The following ZNF420 variants were observed in gnomAD, a reference collection of about 807,000 sequenced individuals.
The protein encoded by ZNF420 is ATM and p53-associated KZNF protein.
A neutral mutation model predicts 44.7 loss-of-function variants in ZNF420; 31 were observed. The ratio of observed to expected loss-of-function variants is 0.69; its 90% confidence interval spans 0.52 to 0.94. The LOEUF (loss-of-function observed/expected upper bound fraction) is 0.94. Ranked by LOEUF, ZNF420 falls within the 40% of genes least tolerant of loss-of-function variation. The pLI, the probability that ZNF420 is intolerant of heterozygous loss-of-function variation, is 0.00. For missense variants in ZNF420, 681 were observed against 827.9 expected (o/e 0.82, Z 2.18); for synonymous variants, 245 against 267.4 (o/e 0.92, Z 0.82).
intron 1 of ZNF420, chr19:37,025,368 GTT>G (rs1967136539): frequency 6.0e-6 from 1 of 167,988 alleles, no homozygotes; most frequent in African/African-American, 2.4e-5. Flanking sequence ...GTTAACTGTT[GTT>G]GTTTTTTTTA....
intron 4 of ZNF420, among the ~76,000 whole-genome samples, chr19:37,119,315 A>T (rs1970884116): frequency 6.6e-6 from 1 of 152,120 alleles, no homozygotes; most frequent in Non-Finnish European, 1.5e-5. Flanking sequence ...GGATTAAGAA[A>T]CTCACTCAAA....
chr19:37,029,934 C>G (rs372298509), intron 1 of ZNF420, among the ~76,000 whole-genome samples: 9 of 152,106 alleles, frequency 5.9e-5, no homozygotes, highest in African/African-American at 2.2e-4. Context: ...TCTATCATCT[C>G]ACAGGTACCC....
At chr19:37,070,142 C>T (rs1968032648) in intron 1 of ZNF420, among the ~76,000 whole-genome samples, 1 of 152,044 alleles carries the variant, frequency 6.6e-6, no homozygotes, top group African/African-American at 2.4e-5. Context: ...ATGTCCCATA[C>T]ACATATAATA....
chr19:37,114,631 T>C (rs930141314), intron 4 of ZNF420, among the ~76,000 whole-genome samples: 6 of 152,198 alleles, frequency 3.9e-5, no homozygotes, highest in African/African-American at 1.4e-4. Flanking sequence ...ATAGTCAACA[T>C]TTTGCATTGA....
At chr19:37,046,480 T>C (rs573719556) in intron 1 of ZNF420, among the ~76,000 whole-genome samples, 2 of 152,184 alleles carry the variant, frequency 1.3e-5, no homozygotes, top group Non-Finnish European at 2.9e-5. Context: ...GTAAATAAAT[T>C]ATACCCTTAA....
At chr19:37,030,113 C>G (rs1212349501) in intron 1 of ZNF420, among the ~76,000 whole-genome samples, 3 of 152,124 alleles carry the variant, frequency 2.0e-5, no homozygotes, top group Non-Finnish European at 2.9e-5. Flanking sequence ...CTCATTTCCT[C>G]CCTTCCTTTC....
At chr19:37,035,447 T>A (rs2146402648) in intron 1 of ZNF420, among the ~76,000 whole-genome samples, 1 of 152,340 alleles carries the variant, frequency 6.6e-6, no homozygotes. Flanking sequence ...AATCTGCCCA[T>A]CTTGCCCTCC....
At chr19:37,119,649 C>T (rs28895613) in intron 4 of ZNF420, among the ~76,000 whole-genome samples, 1 of 149,354 alleles carries the variant, frequency 6.7e-6, no homozygotes, top group Admixed American at 6.7e-5. Context: ...AATAGAGACA[C>T]AAAAAAAAAC....
At chr19:37,073,527 T>A (rs1968093384), upstream of ZNF420, among the ~76,000 whole-genome samples, 1 of 151,824 alleles carries the variant, frequency 6.6e-6, no homozygotes, top group African/African-American at 2.4e-5. Flanking sequence ...TCACTTGAGA[T>A]CAGGAGTTTG....
intron 1 of ZNF420, among the ~76,000 whole-genome samples, chr19:37,061,037 G>T (rs1439748040): frequency 6.6e-6 from 1 of 152,074 alleles, no homozygotes; most frequent in African/African-American, 2.4e-5. Context: ...GCCCCCTCCT[G>T]GTTCCCAGGT....
chr19:37,073,598 G>A (rs973649194), upstream of ZNF420, among the ~76,000 whole-genome samples: 2 of 151,840 alleles, frequency 1.3e-5, no homozygotes, highest in African/African-American at 4.8e-5. Context: ...AAAATTAGCC[G>A]GGCATGGTGA....
chr19:37,061,877 A>C (rs1234530465), intron 1 of ZNF420, among the ~76,000 whole-genome samples: 2 of 152,214 alleles, frequency 1.3e-5, no homozygotes, highest in African/African-American at 4.8e-5. Flanking sequence ...TTTCTGAGGA[A>C]GAAATGAGGC....
intron 2 of ZNF420, among the ~76,000 whole-genome samples, chr19:37,083,008 G>A (rs527900295): frequency 2.0e-5 from 3 of 151,170 alleles, no homozygotes; most frequent in Admixed American, 6.6e-5. Context: ...CTACAGGCAC[G>A]CGCCACCATG....
intron 1 of ZNF420, among the ~76,000 whole-genome samples, chr19:37,021,035 A>C (rs758944731): frequency 1.8e-4 from 28 of 152,234 alleles, no homozygotes; most frequent in Non-Finnish European, 3.2e-4. Context: ...ATGACACCAA[A>C]TTTTATGTGT....
chr19:37,061,470 G>A (rs1464234769), intron 1 of ZNF420, among the ~76,000 whole-genome samples: 3 of 152,218 alleles, frequency 2.0e-5, no homozygotes, highest in African/African-American at 4.8e-5. Context: ...GCAGTGTGGT[G>A]TGATAATTCA....
At chr19:37,028,488 A>G (rs1967192364) in intron 1 of ZNF420, among the ~76,000 whole-genome samples, 1 of 152,104 alleles carries the variant, frequency 6.6e-6, no homozygotes, top group Admixed American at 6.5e-5. Context: ...ACAACAGGGA[A>G]TGACTGTCAG....
At chr19:37,117,708 A>C (rs138520256) in intron 4 of ZNF420, among the ~76,000 whole-genome samples, 1 of 38,850 alleles carries the variant, frequency 2.6e-5, no homozygotes, top group Non-Finnish European at 6.0e-5. Flanking sequence ...AATGGCAAAG[A>C]AGTTAAAAAC....
chr19:37,089,135 G>A lies in ZNF420; in HGVS notation c.9+8G>A, dbSNP rs542271824. 44 of 1,612,132 alleles carry A rather than the reference G, an allele frequency of 2.7e-5. No homozygotes were observed. The South Asian group carries it at 4.4e-4, about 16-fold the overall frequency. On this transcript the variant is annotated splice_region_variant and intron_variant, in intron 3 of 4. Coordinates refer to ENST00000337995, the MANE Select transcript of ZNF420 (RefSeq NM_144689.5). Reference sequence around the variant, plus strand: ...CTAAAAACCATGGCTCGGGTAAATTGGAGTTTCCTTGTGCTCTTTTCACTT... The same window carrying A: ...CTAAAAACCATGGCTCGGGTAAATTAGAGTTTCCTTGTGCTCTTTTCACTT...
chr19:37,033,737 T>G (rs1311352940), intron 1 of ZNF420, among the ~76,000 whole-genome samples: 1 of 152,158 alleles, frequency 6.6e-6, no homozygotes, highest in Non-Finnish European at 1.5e-5. Flanking sequence ...ACTCATACAG[T>G]AATTCTATGT....
Sources: allele counts gnomAD v4.1 joint callset (sites outside exome capture counted in the v4.1 genomes callset), GRCh38; gene constraint gnomAD v4.1.1; transcripts MANE v1.5; gene names NCBI Gene and HGNC (gene_info 2026-07-23, HGNC 2026-07-21).